The following MCTP1 variants were observed in gnomAD, a reference collection of about 807,000 sequenced individuals.
The protein encoded by MCTP1 is multiple C2 and transmembrane domain-containing protein 1.
MCTP1 carries 69 observed loss-of-function variants against 120.6 expected under a neutral mutation model. The observed-to-expected ratio is 0.57, with a 90% CI of 0.47 to 0.70. MCTP1 has a LOEUF of 0.70. Ranked by LOEUF, MCTP1 falls within the 30% of genes least tolerant of loss-of-function variation. The pLI is 0.00. For missense variants in MCTP1, 1,203 were observed against 1,248.8 expected (o/e 0.96, Z 0.55); for synonymous variants, 529 against 493.1 (o/e 1.07, Z -0.96).
intron 1 of MCTP1, among the ~76,000 whole-genome samples, chr5:95,254,695 T>C (rs1374289037): frequency 6.6e-6 from 1 of 152,150 alleles, no homozygotes; most frequent in East Asian, 1.9e-4. Context: ...CAAAAACTAC[T>C]ACACATATTA....
At chr5:94,987,576 A>T (rs1160057121) in intron 2 of MCTP1, among the ~76,000 whole-genome samples, 2 of 152,202 alleles carry the variant, frequency 1.3e-5, no homozygotes, top group African/African-American at 4.8e-5. Context: ...AGACAGCTTC[A>T]GTTGGCACAA....
chr5:94,895,636 C>A (rs293054), intron 10 of MCTP1, among the ~76,000 whole-genome samples: 27,177 of 152,106 alleles, frequency 0.18, 2,986 homozygotes, highest in Non-Finnish European at 0.24. Flanking sequence ...GGTAACCTAC[C>A]ATAAACTGCG....
chr5:94,944,415 G>T (rs1241497527), intron 3 of MCTP1, among the ~76,000 whole-genome samples: 1 of 152,164 alleles, frequency 6.6e-6, no homozygotes, highest in East Asian at 1.9e-4. Flanking sequence ...AGTGGCTGCA[G>T]CAGTGTATTT....
intron 1 of MCTP1, among the ~76,000 whole-genome samples, chr5:95,253,289 C>T (rs769706940): frequency 2.8e-4 from 43 of 152,106 alleles, no homozygotes; most frequent in Non-Finnish European, 4.6e-4. Context: ...TATTCATAAC[C>T]GTACAAGAAT....
chr5:95,220,610 C>T (rs1753582068), intron 1 of MCTP1, among the ~76,000 whole-genome samples: 1 of 152,216 alleles, frequency 6.6e-6, no homozygotes, highest in Non-Finnish European at 1.5e-5. Context: ...ATTCTCACCT[C>T]TCATATTATG....
chr5:94,806,387 CAAGG>C (rs1782300864), intron 17 of MCTP1, among the ~76,000 whole-genome samples: 1 of 152,130 alleles, frequency 6.6e-6, no homozygotes, highest in African/African-American at 2.4e-5. Flanking sequence ...TCATATGAAA[CAAGG>C]CATACTATAC....
chr5:94,738,196 C>A (rs1764704094), intron 19 of MCTP1, among the ~76,000 whole-genome samples: 1 of 152,208 alleles, frequency 6.6e-6, no homozygotes, highest in East Asian at 1.9e-4. Context: ...GAAGTTTTAG[C>A]CCCCAGAAAT....
rs192322933 is a variant in MCTP1 at position 94,969,261 on chromosome 5, T to C, written c.839-15900A>G. Among the ~76,000 whole-genome samples the C allele has an allele frequency of 4.3e-4, 66 of 152,286 alleles. No homozygotes were observed. The East Asian group carries it at 4.6e-3, about 11-fold the overall frequency. ...TCTGTGTAATATTTAAAGCCTTTTATGTTATTTAAGACAACACAACTAAAC... is the reference window on the plus strand; with the variant it reads ...TCTGTGTAATATTTAAAGCCTTTTACGTTATTTAAGACAACACAACTAAAC... On this transcript the variant is annotated intron_variant, in intron 2 of 22. Transcript: ENST00000515393.
chr5:95,081,482 T>C (rs767978995), intron 1 of MCTP1: 40 of 1,611,080 alleles, frequency 2.5e-5, no homozygotes, highest in Admixed American at 8.4e-5. Context: ...CTGTCTAGCA[T>C]AGTTGATTAG....
At chr5:94,903,990 T>C (rs1041598755) in intron 10 of MCTP1, among the ~76,000 whole-genome samples, 2 of 152,220 alleles carry the variant, frequency 1.3e-5, no homozygotes, top group African/African-American at 4.8e-5. Flanking sequence ...ATCATGGGGA[T>C]TTATTAGCTG....
chr5:95,048,955 G>A (rs1745229110), intron 1 of MCTP1, among the ~76,000 whole-genome samples: 1 of 152,114 alleles, frequency 6.6e-6, no homozygotes, highest in Non-Finnish European at 1.5e-5. Flanking sequence ...CATTGGAAAA[G>A]AGTCAAAAAG....
At chr5:94,745,084 T>C (rs1766564536) in intron 19 of MCTP1, among the ~76,000 whole-genome samples, 1 of 152,272 alleles carries the variant, frequency 6.6e-6, no homozygotes, top group Admixed American at 6.5e-5. Context: ...AGAGTAAGAA[T>C]GTTTCCCAGC....
Position 94,750,878 on chromosome 5 carries a change from G to A in MCTP1, c.2610+28232C>T, listed in dbSNP as rs555785965. ...GCATCTGGTGATTGTGAAGGCCATC[G>A]ATGCTGCCAGCTAGCAGGAAATATC... is the stretch of plus-strand genomic sequence containing the variant. On this transcript the variant is annotated intron_variant, in intron 19 of 22. Transcript: ENST00000515393. Among the ~76,000 whole-genome samples, 10 of 152,266 alleles carry A rather than the reference G, an allele frequency of 6.6e-5. No individual in the cohort carries two copies. In the South Asian group the frequency reaches 1.9e-3, roughly 28 times the overall value.
chr5:94,799,373 C>T (rs1313899056), intron 17 of MCTP1, among the ~76,000 whole-genome samples: 4 of 151,966 alleles, frequency 2.6e-5, no homozygotes, highest in Non-Finnish European at 5.9e-5. Context: ...GATATCATTA[C>T]GTTGTCAAAG....
At chr5:95,042,487 T>C (rs955229181) in intron 1 of MCTP1, among the ~76,000 whole-genome samples, 1 of 152,202 alleles carries the variant, frequency 6.6e-6, no homozygotes, top group African/African-American at 2.4e-5. Context: ...TACATCATCT[T>C]CTTAAAAACC....
intron 2 of MCTP1, among the ~76,000 whole-genome samples, chr5:94,959,501 G>C (rs555367653): frequency 8.5e-4 from 130 of 152,290 alleles, no homozygotes; most frequent in African/African-American, 3.0e-3. Context: ...CAGATGAGAT[G>C]ATTGCATATT....
intron 17 of MCTP1, among the ~76,000 whole-genome samples, chr5:94,825,531 A>C (rs184933838): frequency 1.7e-4 from 26 of 152,216 alleles, no homozygotes; most frequent in Admixed American, 3.3e-4. Context: ...TTTGGGGTGG[A>C]GAGTTCTGTG....
intron 13 of MCTP1, 22 bp from the exon 14 acceptor site, chr5:94,871,439 GA>G (rs748943061): frequency 2.7e-6 from 4 of 1,500,190 alleles, no homozygotes; most frequent in Non-Finnish European, 3.7e-6. Context: ...ATATATGTAA[GA>G]AAAAAAGATT....
chr5:95,274,891 CTGTTT>C (rs1260574714), intron 1 of MCTP1, among the ~76,000 whole-genome samples: 7 of 152,040 alleles, frequency 4.6e-5, no homozygotes, highest in Admixed American at 1.3e-4. Flanking sequence ...CCAAAGGCTA[CTGTTT>C]TGTTTTATCA....
Sources: allele counts gnomAD v4.1 joint callset (sites outside exome capture counted in the v4.1 genomes callset), GRCh38; gene constraint gnomAD v4.1.1; transcripts MANE v1.5; gene names NCBI Gene and HGNC (gene_info 2026-07-23, HGNC 2026-07-21).